The following KCNK10 variants were observed in gnomAD, a reference collection of about 807,000 sequenced individuals.
KCNK10 encodes the protein potassium two pore domain channel subfamily K member 10, also known as potassium channel subfamily K member 10.
Under a neutral mutation model 47.7 loss-of-function variants are expected in KCNK10, and 25 were observed. The observed-to-expected ratio is 0.52, with a 90% CI of 0.38 to 0.73. KCNK10 has a LOEUF of 0.73. Among genes scored for constraint, KCNK10 ranks in the 30% least tolerant of loss-of-function variants. The probability of loss-of-function intolerance (pLI) is 0.00; values close to 1 mark genes in which losing one functional copy is unlikely to be tolerated. For synonymous variants in KCNK10, 303 were observed against 285.6 expected (o/e 1.06, Z -0.61); for missense variants, 563 against 714.5 (o/e 0.79, Z 2.42).
In KCNK10 at chr14:88,263,559, G is replaced by A; in HGVS notation, c.53-8C>T. Reference sequence around the variant, plus strand: ...CTGCTGCGGGAACGGCCACTGAGGAGTCAGGGTGGGGGACAAAGAAGAAGA... The same window carrying A: ...CTGCTGCGGGAACGGCCACTGAGGAATCAGGGTGGGGGACAAAGAAGAAGA... On this transcript the variant is annotated splice_polypyrimidine_tract_variant and splice_region_variant and intron_variant, in intron 1 of 6. Transcript: ENST00000319231. 6.2e-7 allele frequency: 1 copy of A among 1,606,008 alleles called. No individual in the cohort carries two copies. Among genetic ancestry groups the A allele is most frequent in the South Asian group, 1.1e-5 (1 of 90,904 alleles).
chr14:88,271,788 C>T (rs1451051546), intron 1 of KCNK10, among the ~76,000 whole-genome samples: 1 of 151,956 alleles, frequency 6.6e-6, no homozygotes, highest in Non-Finnish European at 1.5e-5. Context: ...TTTCTTTCAC[C>T]CCACAAGCTG....
intron 1 of KCNK10, among the ~76,000 whole-genome samples, chr14:88,292,103 T>C (rs1374226453): frequency 6.6e-6 from 1 of 152,144 alleles, no homozygotes; most frequent in African/African-American, 2.4e-5. Context: ...ACAGAGACTA[T>C]TTCATGACTA....
chr14:88,229,468 A>G (rs908025996), intron 3 of KCNK10, among the ~76,000 whole-genome samples: 10 of 137,720 alleles, frequency 7.3e-5, no homozygotes, highest in Non-Finnish European at 1.1e-4. Flanking sequence ...TACTGTACCA[A>G]TGCAAAGTAT....
chr14:88,279,256 C>A (rs1443244517), intron 1 of KCNK10, among the ~76,000 whole-genome samples: 1 of 152,050 alleles, frequency 6.6e-6, no homozygotes, highest in Non-Finnish European at 1.5e-5. Flanking sequence ...GACATAATTT[C>A]CTTTGAGGTC....
intron 1 of KCNK10, among the ~76,000 whole-genome samples, chr14:88,279,909 AG>A (rs1197089661): frequency 1.3e-5 from 2 of 149,404 alleles, no homozygotes; most frequent in Admixed American, 1.3e-4. Flanking sequence ...TGGGTTTATC[AG>A]GGGTTTCCAC....
At chr14:88,242,847 G>A (rs1886520409) in intron 2 of KCNK10, among the ~76,000 whole-genome samples, 1 of 152,136 alleles carries the variant, frequency 6.6e-6, no homozygotes, top group Non-Finnish European at 1.5e-5. Context: ...AGCCCACTTG[G>A]AAATAATACC....
intron 4 of KCNK10, among the ~76,000 whole-genome samples, chr14:88,198,728 A>C (rs550522973): frequency 1.3e-5 from 2 of 152,048 alleles, no homozygotes; most frequent in African/African-American, 4.8e-5. Flanking sequence ...GGAACTGTTA[A>C]CCCAGCCCCT....
intron 1 of KCNK10, among the ~76,000 whole-genome samples, chr14:88,293,116 G>C (rs1887915013): frequency 6.6e-6 from 1 of 152,202 alleles, no homozygotes; most frequent in Non-Finnish European, 1.5e-5. Context: ...GTGAAGGTAG[G>C]AGTTGAAGAT....
intron 1 of KCNK10, among the ~76,000 whole-genome samples, chr14:88,277,276 A>G (rs1350283601): frequency 6.6e-6 from 1 of 152,214 alleles, no homozygotes; most frequent in Non-Finnish European, 1.5e-5. Flanking sequence ...AAAAAAATAA[A>G]CAAGATCCAT....
At chr14:88,300,192 G>C (rs1462169284) in intron 1 of KCNK10, among the ~76,000 whole-genome samples, 1 of 152,090 alleles carries the variant, frequency 6.6e-6, no homozygotes, top group Non-Finnish European at 1.5e-5. Context: ...CATCTTACCA[G>C]TGCTTAAAAC....
At chr14:88,270,788 A>G in intron 1 of KCNK10, 2 of 781,002 alleles carry the variant, frequency 2.6e-6, no homozygotes, top group Non-Finnish European at 4.8e-6. Flanking sequence ...TCCATCCTCC[A>G]TATACCAGCC....
At chr14:88,206,674 A>G (rs1885286204) in intron 4 of KCNK10, among the ~76,000 whole-genome samples, 1 of 152,264 alleles carries the variant, frequency 6.6e-6, no homozygotes, top group Non-Finnish European at 1.5e-5. Flanking sequence ...TTCTACGTAT[A>G]GATGCCAAGA....
intron 1 of KCNK10, among the ~76,000 whole-genome samples, chr14:88,266,335 GGTGTT>G (rs1887254900): frequency 6.6e-6 from 1 of 152,150 alleles, no homozygotes; most frequent in Non-Finnish European, 1.5e-5. Flanking sequence ...CACCTTTGCA[GGTGTT>G]GTCCTCTCAG....
intron 4 of KCNK10, among the ~76,000 whole-genome samples, chr14:88,212,691 C>T (rs1885500235): frequency 6.6e-6 from 1 of 152,184 alleles, no homozygotes; most frequent in Non-Finnish European, 1.5e-5. Context: ...CTACAGCTAT[C>T]TATGAGCAGG....
chr14:88,256,893 C>A (rs1886972460), intron 2 of KCNK10, among the ~76,000 whole-genome samples: 1 of 152,128 alleles, frequency 6.6e-6, no homozygotes, highest in Admixed American at 6.5e-5. Flanking sequence ...AACAGGTAGA[C>A]ACCGTGATCG....
intron 1 of KCNK10, among the ~76,000 whole-genome samples, chr14:88,287,148 A>G (rs1887780107): frequency 6.6e-6 from 1 of 152,186 alleles, no homozygotes; most frequent in Non-Finnish European, 1.5e-5. Context: ...AACCTTAGCA[A>G]TCTGCCTCCA....
chr14:88,226,759 T>C (rs1214785876), intron 4 of KCNK10, among the ~76,000 whole-genome samples: 2 of 152,186 alleles, frequency 1.3e-5, no homozygotes, highest in African/African-American at 4.8e-5. Context: ...TTGTCTCTTG[T>C]TTAAAGATAA....
chr14:88,259,754 G>T (rs1014004761), intron 2 of KCNK10, among the ~76,000 whole-genome samples: 4 of 152,148 alleles, frequency 2.6e-5, no homozygotes, highest in Non-Finnish European at 4.4e-5. Context: ...ACCACACCTG[G>T]CCATCTAATG....
At chr14:88,246,335 T>C (rs1239374701) in intron 2 of KCNK10, among the ~76,000 whole-genome samples, 2 of 150,250 alleles carry the variant, frequency 1.3e-5, no homozygotes, top group African/African-American at 4.9e-5. Flanking sequence ...CCACAAACTC[T>C]GTGAGAAAGG....
Sources: allele counts gnomAD v4.1 joint callset (sites outside exome capture counted in the v4.1 genomes callset), GRCh38; gene constraint gnomAD v4.1.1; transcripts MANE v1.5; gene names NCBI Gene and HGNC (gene_info 2026-07-23, HGNC 2026-07-21).